KANSL1L: variants seen among roughly 807,000 people sequenced by gnomAD.
KANSL1L encodes the protein KAT8 regulatory NSL complex subunit 1 like.
In KANSL1L, 25 loss-of-function variants were observed where a neutral mutation model predicts 108.6. The observed-to-expected ratio is 0.23, with a 90% confidence interval of 0.17 to 0.32. The LOEUF (loss-of-function observed/expected upper bound fraction) is 0.32. Ranked by LOEUF, KANSL1L falls within the 10% of genes least tolerant of loss-of-function variation. The pLI, the probability that KANSL1L is intolerant of heterozygous loss-of-function variation, is 1.00. For synonymous variants in KANSL1L, 405 were observed against 395.1 expected (o/e 1.03, Z -0.30); for missense variants, 1,137 against 1,125.7 (o/e 1.01, Z -0.14).
intron 6 of KANSL1L, among the ~76,000 whole-genome samples, chr2:210,067,670 A>C (rs2094475897): frequency 6.9e-6 from 1 of 144,950 alleles, no homozygotes; most frequent in South Asian, 2.1e-4. Flanking sequence ...GAGATCACTT[A>C]ACTGCACTGC....
chr2:210,048,258 G>T (rs1272580775), intron 6 of KANSL1L, among the ~76,000 whole-genome samples: 2 of 152,168 alleles, frequency 1.3e-5, no homozygotes, highest in African/African-American at 4.8e-5. Flanking sequence ...GAGCTTCAGG[G>T]TAATAGTGGT....
chr2:210,030,198 G>C (rs1328369580), intron 9 of KANSL1L, among the ~76,000 whole-genome samples: 1 of 151,612 alleles, frequency 6.6e-6, no homozygotes, highest in South Asian at 2.1e-4. Flanking sequence ...CTTGTTTCCT[G>C]TGACTCCTAT....
At chr2:210,132,255 A>C (rs1385056927) in intron 2 of KANSL1L, among the ~76,000 whole-genome samples, 1 of 152,238 alleles carries the variant, frequency 6.6e-6, no homozygotes, top group Non-Finnish European at 1.5e-5. Context: ...AATGGTTTAC[A>C]TAACTTACAG....
intron 5 of KANSL1L, among the ~76,000 whole-genome samples, chr2:210,081,878 T>C (rs1178230236): frequency 2.0e-5 from 3 of 152,216 alleles, no homozygotes; most frequent in Admixed American, 2.0e-4. Flanking sequence ...AAAAAAGATA[T>C]ATATTTCCAC....
intron 5 of KANSL1L, among the ~76,000 whole-genome samples, chr2:210,086,158 T>C (rs2094635506): frequency 6.6e-6 from 1 of 151,966 alleles, no homozygotes; most frequent in Non-Finnish European, 1.5e-5. Flanking sequence ...GAGATAATTA[T>C]CATTAGTAGA....
At chr2:210,098,035 T>A (rs778471377) in intron 5 of KANSL1L, 51 bp downstream of exon 5, 6 of 1,507,612 alleles carry the variant, frequency 4.0e-6, no homozygotes, top group African/African-American at 2.8e-5. Context: ...CAAAATAAGA[T>A]AAAATAGGCA....
At chr2:210,139,261 C>T (rs2095204933) in intron 2 of KANSL1L, among the ~76,000 whole-genome samples, 1 of 152,148 alleles carries the variant, frequency 6.6e-6, no homozygotes, top group Non-Finnish European at 1.5e-5. Context: ...AGAACTTATT[C>T]CTCCTAACTG....
intron 12 of KANSL1L, among the ~76,000 whole-genome samples, chr2:210,025,821 C>T (rs973949438): frequency 3.3e-5 from 5 of 152,080 alleles, no homozygotes; most frequent in African/African-American, 1.2e-4. Context: ...CTCAAGCAAT[C>T]CTCCCACCTC....
intron 5 of KANSL1L, among the ~76,000 whole-genome samples, chr2:210,079,644 A>ATATATATATATATATATGTATGTG: frequency 1.1e-4 from 1 of 8,982 alleles, no homozygotes; most frequent in East Asian, 0.014. Context: ...ATATATATAT[A>ATATATATATATATATATGTATGTG]TATATATATA....
At chr2:210,066,160 T>A (rs1403747560) in intron 6 of KANSL1L, among the ~76,000 whole-genome samples, 1 of 152,196 alleles carries the variant, frequency 6.6e-6, no homozygotes, top group African/African-American at 2.4e-5. Context: ...AGTTGTAGGA[T>A]TAAGTCTTAA....
chr2:210,145,850 G>C (rs569871909), intron 2 of KANSL1L, among the ~76,000 whole-genome samples: 1 of 152,318 alleles, frequency 6.6e-6, no homozygotes, highest in African/African-American at 2.4e-5. Flanking sequence ...GTGGGACAGA[G>C]TCTGCAATGT....
chr2:210,087,014 TTTTTTTA>T (rs1446215163), intron 5 of KANSL1L, among the ~76,000 whole-genome samples: 1 of 151,614 alleles, frequency 6.6e-6, no homozygotes. Flanking sequence ...CTCCTGTTCC[TTTTTTTA>T]TTTTTTATTT....
chr2:210,098,089 C>G lies in KANSL1L; in HGVS notation c.1547G>C (p.Arg516Thr). Residue 516 changes from arginine to threonine, a missense_variant, in exon 5 of 15, where the codon AGG (arginine) becomes ACG (threonine). Physicochemically the swap from Arg to Thr is moderately conservative, Grantham distance 71. Coordinates refer to ENST00000281772, the MANE Select transcript of KANSL1L (RefSeq NM_152519.4). ...AAGCTATTCCATTGATACCTACCTC[C>G]TGTAAATGCCATTAGCCAGACATTT... ...SHKCLANGIY[R>T]SASENLDELS... The G allele has an allele frequency of 6.2e-7, 1 of 1,606,914 alleles. No homozygotes were observed. The highest frequency in any genetic ancestry group is 1.3e-5 in the African/African-American group (1 of 74,696).
chr2:210,156,999 G>GA (rs574492895), intron 1 of KANSL1L, among the ~76,000 whole-genome samples: 4 of 131,260 alleles, frequency 3.0e-5, no homozygotes, highest in Admixed American at 7.7e-5. Context: ...AAAAAAAAAA[G>GA]AAAAAAAAGA....
chr2:210,043,110 A>G (rs972522905), intron 7 of KANSL1L, among the ~76,000 whole-genome samples: 5 of 152,130 alleles, frequency 3.3e-5, no homozygotes, highest in Admixed American at 2.0e-4. Context: ...AGAACTGAAA[A>G]TTTAAAACCA....
At position 210,128,872 on chromosome 2, in the gene KANSL1L, AC is replaced by A. The variant is rs577910182; in HGVS notation, c.1230+158del. On this transcript the variant is annotated intron_variant, in intron 3 of 14. Transcript: ENST00000281772. ...TGATCTTAAAATACAAAAAGGCATT[AC>A]AAAAATAGCTTCAATTTATAATAAT... Among the ~76,000 whole-genome samples the A allele has an allele frequency of 1.6e-4, 25 of 152,348 alleles. No individual in the cohort carries two copies. In the East Asian group the frequency reaches 4.6e-3, roughly 28 times the overall value.
intron 3 of KANSL1L, among the ~76,000 whole-genome samples, chr2:210,113,644 C>A (rs79297950): frequency 0.011 from 1,627 of 152,100 alleles, 21 homozygotes; most frequent in African/African-American, 0.035. Flanking sequence ...AAACAACTGT[C>A]TTAAAGATGC....
At chr2:210,070,368 TAC>T (rs1341584736) in intron 6 of KANSL1L, among the ~76,000 whole-genome samples, 1 of 151,070 alleles carries the variant, frequency 6.6e-6, no homozygotes, top group Non-Finnish European at 1.5e-5. Context: ...TAGCTGGGAC[TAC>T]AGGCGCCCGC....
intron 1 of KANSL1L, among the ~76,000 whole-genome samples, chr2:210,163,010 T>C (rs1399453956): frequency 6.6e-6 from 1 of 152,220 alleles, no homozygotes; most frequent in Admixed American, 6.5e-5. Flanking sequence ...AGACAGACCT[T>C]ATCACTGGAA....
Sources: gnomAD v4.1 joint callset for allele counts (sites outside exome capture counted in the v4.1 genomes callset) on GRCh38, gnomAD v4.1.1 for gene constraint, MANE v1.5 for transcripts, NCBI Gene and HGNC (gene_info 2026-07-23, HGNC 2026-07-21) for gene names.